PACSIN1: variants seen among roughly 807,000 people sequenced by gnomAD.
The protein encoded by PACSIN1 is protein kinase C and casein kinase substrate in neurons protein 1.
In PACSIN1, 15 loss-of-function variants were observed where a neutral mutation model predicts 59.5. The ratio of observed to expected loss-of-function variants is 0.25; its 90% confidence interval spans 0.17 to 0.39. The LOEUF is 0.39. Ranked by LOEUF, PACSIN1 falls within the 10% of genes least tolerant of loss-of-function variation. The probability of loss-of-function intolerance (pLI) is 1.00; values close to 1 mark genes in which losing one functional copy is unlikely to be tolerated. For synonymous variants in PACSIN1, 210 were observed against 220.6 expected (o/e 0.95, Z 0.42); for missense variants, 420 against 580.2 (o/e 0.72, Z 2.84).
At chr6:34,479,487 A>G (rs1457540505) in intron 1 of PACSIN1, among the ~76,000 whole-genome samples, 4 of 152,164 alleles carry the variant, frequency 2.6e-5, no homozygotes, top group Admixed American at 1.3e-4. Context: ...CTCAGGCTGG[A>G]GTGCAATGGC....
chr6:34,509,969 A>T (rs568410317), intron 1 of PACSIN1, among the ~76,000 whole-genome samples: 1 of 152,326 alleles, frequency 6.6e-6, no homozygotes, highest in East Asian at 1.9e-4. Context: ...GTGTAGTGGG[A>T]TCTTTTTCAT....
chr6:34,476,275 T>C (rs1225552825), intron 1 of PACSIN1, among the ~76,000 whole-genome samples: 2 of 152,170 alleles, frequency 1.3e-5, no homozygotes, highest in Admixed American at 6.5e-5. Context: ...CAGCACCCCA[T>C]CTTCAGATGG....
rs1767474760 is a variant in PACSIN1, at chr6:34,525,995, G to A, written c.-63-248G>A. Among the ~76,000 whole-genome samples the A allele has an allele frequency of 6.6e-6, 1 of 152,058 alleles. No homozygotes were observed. The highest frequency in any genetic ancestry group is 1.9e-4 in the East Asian group (1 of 5,180). ...GGCTGGGGCTGGCTTCTGAACGGAG[G>A]TGCTCATACTGGATAGAGGATGGAT... On this transcript the variant is annotated intron_variant, in intron 1 of 9. Transcript: ENST00000244458. The surrounding 1 kb of genome is among the most constrained non-coding windows in gnomAD (Gnocchi z 4.9).
At chr6:34,499,950 A>G (rs1391793870) in intron 1 of PACSIN1, among the ~76,000 whole-genome samples, 4 of 152,232 alleles carry the variant, frequency 2.6e-5, no homozygotes, top group African/African-American at 9.6e-5. Flanking sequence ...ACATCAGAGG[A>G]CACTATCAAA....
At chr6:34,510,145 C>T (rs371553325) in intron 1 of PACSIN1, among the ~76,000 whole-genome samples, 4 of 152,346 alleles carry the variant, frequency 2.6e-5, no homozygotes, top group South Asian at 4.1e-4. Context: ...ATGTTAAGAA[C>T]GAAGCTTCTA....
At chr6:34,496,419 C>T (rs888776785) in intron 1 of PACSIN1, among the ~76,000 whole-genome samples, 5 of 152,202 alleles carry the variant, frequency 3.3e-5, no homozygotes, top group African/African-American at 1.2e-4. Flanking sequence ...CTGGGGTGAT[C>T]TCTGCCAGCC....
chr6:34,466,698 C>A (rs910722449), intron 1 of PACSIN1, among the ~76,000 whole-genome samples: 7 of 152,152 alleles, frequency 4.6e-5, no homozygotes, highest in African/African-American at 1.7e-4. Context: ...GCAGCTGATG[C>A]CTGTCTGGCT....
intron 1 of PACSIN1, among the ~76,000 whole-genome samples, chr6:34,499,018 A>G (rs963654837): frequency 6.6e-6 from 1 of 151,994 alleles, no homozygotes; most frequent in Non-Finnish European, 1.5e-5. Flanking sequence ...GCACATTACA[A>G]TTATAGGGTA....
intron 1 of PACSIN1, among the ~76,000 whole-genome samples, chr6:34,487,004 C>CAAAAAAA (rs3042080): frequency 4.5e-5 from 6 of 133,936 alleles, no homozygotes; most frequent in African/African-American, 1.1e-4. Flanking sequence ...CCATCTCTAC[C>CAAAAAAA]AAAAAAAAAA....
chr6:34,473,393 G>A (rs1444129348), intron 1 of PACSIN1, among the ~76,000 whole-genome samples: 1 of 152,192 alleles, frequency 6.6e-6, no homozygotes, highest in Non-Finnish European at 1.5e-5. Context: ...CTGCTGCAGG[G>A]CACTTTAAAT....
In PACSIN1 at chr6:34,533,124, G is replaced by A. The variant is rs537118044; in HGVS notation, c.*594G>A. The stretch of plus-strand genomic sequence containing the variant: ...AACGGTCACCCTCCTCCCCCATGGA[G>A]GTTTCCAGGGGTCCCCCAGACATGA... On this transcript the variant is annotated 3_prime_UTR_variant, in exon 10 of 10. Coordinates refer to ENST00000244458, the MANE Select transcript of PACSIN1 (RefSeq NM_020804.5). 75 of 152,504 alleles carry A rather than the reference G, an allele frequency of 4.9e-4. No individual in the cohort carries two copies. Among genetic ancestry groups the A allele is most frequent in the African/African-American group, 1.7e-3 (69 of 41,578 alleles). 9.4% of individuals were successfully genotyped at this position (152,504 alleles called of 1,614,324 possible).
intron 1 of PACSIN1, among the ~76,000 whole-genome samples, chr6:34,470,529 T>C (rs932889922): frequency 6.6e-6 from 1 of 151,966 alleles, no homozygotes; most frequent in East Asian, 1.9e-4. Flanking sequence ...ATTATTTTCT[T>C]TTTAGAGGCA....
intron 1 of PACSIN1, among the ~76,000 whole-genome samples, chr6:34,497,465 C>T (rs969435169): frequency 6.6e-6 from 1 of 152,098 alleles, no homozygotes; most frequent in Non-Finnish European, 1.5e-5. Flanking sequence ...ATAGGCTTTC[C>T]GCAGAAGTCA....
chr6:34,519,603 ATGAAG>A (rs1387768354), intron 1 of PACSIN1, among the ~76,000 whole-genome samples: 1 of 152,094 alleles, frequency 6.6e-6, no homozygotes, highest in Non-Finnish European at 1.5e-5. Flanking sequence ...GGCTCCTGTC[ATGAAG>A]GCTCTGTAGC....
chr6:34,485,726 T>A (rs916984232), intron 1 of PACSIN1, among the ~76,000 whole-genome samples: 2 of 152,182 alleles, frequency 1.3e-5, no homozygotes, highest in East Asian at 3.9e-4. Flanking sequence ...GTCCCAGACC[T>A]GAGCCCTGGC....
At chr6:34,490,072 T>TG (rs763619661) in intron 1 of PACSIN1, among the ~76,000 whole-genome samples, 105 of 143,334 alleles carry the variant, frequency 7.3e-4, no homozygotes, top group Non-Finnish European at 1.2e-3. Flanking sequence ...TGTTCTCTCT[T>TG]GTTTTTTTTT....
intron 1 of PACSIN1, among the ~76,000 whole-genome samples, chr6:34,489,823 A>G (rs1004734848): frequency 6.6e-6 from 1 of 152,218 alleles, no homozygotes; most frequent in Non-Finnish European, 1.5e-5. Flanking sequence ...ATGCCTGGGT[A>G]TTCATCTTTC....
At chr6:34,512,797 G>A (rs974474293) in intron 1 of PACSIN1, among the ~76,000 whole-genome samples, 7 of 152,212 alleles carry the variant, frequency 4.6e-5, no homozygotes, top group Admixed American at 1.3e-4. Flanking sequence ...GGCTGGTGCC[G>A]TGTTTCCCAA....
chr6:34,527,769 T>G, intron 3 of PACSIN1: 2 of 258,002 alleles, frequency 7.8e-6, no homozygotes, highest in African/African-American at 2.2e-5. Flanking sequence ...CTACATACCC[T>G]TCCCCCAGGC....
Sources: allele counts gnomAD v4.1 joint callset (sites outside exome capture counted in the v4.1 genomes callset), GRCh38; gene constraint gnomAD v4.1.1; non-coding constraint Gnocchi (gnomAD v3.1); transcripts MANE v1.5; gene names NCBI Gene and HGNC (gene_info 2026-07-23, HGNC 2026-07-21).